The following HIVEP2 variants were observed in gnomAD, a reference collection of about 807,000 sequenced individuals.
HIVEP2 encodes the protein transcription factor HIVEP2.
Under a neutral mutation model 180.7 loss-of-function variants are expected in HIVEP2, and 14 were observed. The ratio of observed to expected loss-of-function variants is 0.08; its 90% CI spans 0.05 to 0.12. The LOEUF (loss-of-function observed/expected upper bound fraction) is 0.12, where lower values mean the gene tolerates loss of function less well. Ranked by LOEUF, HIVEP2 falls within the 10% of genes least tolerant of loss-of-function variation. The probability of loss-of-function intolerance (pLI) is 1.00; values close to 1 mark genes in which losing one functional copy is unlikely to be tolerated. For synonymous variants in HIVEP2, 1,184 were observed against 1,136.4 expected (o/e 1.04, Z -0.84); for missense variants, 2,579 against 3,008.5 (o/e 0.86, Z 3.34).
intron 3 of HIVEP2, among the ~76,000 whole-genome samples, chr6:142,783,252 C>A (rs376957170): frequency 7.8e-6 from 1 of 128,000 alleles, no homozygotes; most frequent in Admixed American, 9.9e-5. Context: ...CACTTGAACT[C>A]GGGAGGCAGA....
intron 6 of HIVEP2, among the ~76,000 whole-genome samples, chr6:142,767,512 G>C (rs906925491): frequency 2.6e-5 from 4 of 152,112 alleles, no homozygotes; most frequent in Admixed American, 2.6e-4. Context: ...AATATAATTG[G>C]AATAAAGTCA....
intron 2 of HIVEP2, among the ~76,000 whole-genome samples, chr6:142,828,021 A>T (rs899446709): frequency 6.6e-6 from 1 of 152,180 alleles, no homozygotes; most frequent in Non-Finnish European, 1.5e-5. Flanking sequence ...TCTATACTGA[A>T]ACCTCTTCAA....
Position 142,753,469 on chromosome 6 carries a change from G to C in HIVEP2, c.6979C>G (p.Gln2327Glu). Residue 2327 changes from glutamine to glutamate, a missense_variant, in exon 10 of 10, where the codon CAG becomes GAG. By Grantham distance (29) the Gln-to-Glu change is conservative. Coordinates refer to ENST00000367603, the MANE Select transcript of HIVEP2 (RefSeq NM_006734.4). ...GAGGCAATGGCTTTTGTACAAGTCTGTATATTTTCCTCCTGTTCCCGCTCT... is the reference window on the plus strand; with the variant it reads ...GAGGCAATGGCTTTTGTACAAGTCTCTATATTTTCCTCCTGTTCCCGCTCT... ...ATEREQEENI[Q>E]TCTKAIASLR... is the part of the protein sequence containing the mutation. 6.2e-7 allele frequency: 1 copy of C among 1,614,036 alleles called. No homozygotes were observed. The highest frequency in any genetic ancestry group is 8.5e-7 in the Non-Finnish European group (1 of 1,180,042).
chr6:142,863,093 CATATAATAA>C (rs1777842323), intron 1 of HIVEP2, among the ~76,000 whole-genome samples: 2 of 140,338 alleles, frequency 1.4e-5, no homozygotes, highest in Admixed American at 7.4e-5. Context: ...TATATAATTA[CATATAATAA>C]ATATATTACA....
intron 2 of HIVEP2, among the ~76,000 whole-genome samples, chr6:142,802,708 G>GAATC (rs1776443813): frequency 6.6e-6 from 1 of 151,936 alleles, no homozygotes; most frequent in African/African-American, 2.4e-5. Flanking sequence ...TTCTAAAAAA[G>GAATC]AATCACTCCC....
rs1775249737 is a variant in HIVEP2, at chr6:142,837,314, G to A, written c.-640-267C>T. Among the ~76,000 whole-genome samples, 5 of 152,036 alleles carry A rather than the reference G, an allele frequency of 3.3e-5. No homozygotes were observed. In the South Asian group the frequency reaches 1.0e-3, roughly 31 times the overall value. ...GAACAGAAGAGTTTGTTATTGGCAG[G>A]TGGAAATAATGGTTATACAATGTCA... On this transcript the variant is annotated intron_variant, in intron 1 of 9. Coordinates refer to ENST00000367603, the MANE Select transcript of HIVEP2 (RefSeq NM_006734.4).
At chr6:142,859,834 C>CAAAAAAAAAAAAA (rs56853043) in intron 1 of HIVEP2, among the ~76,000 whole-genome samples, 1 of 73,612 alleles carries the variant, frequency 1.4e-5, no homozygotes, top group Non-Finnish European at 2.5e-5. Context: ...AACTCCGTCT[C>CAAAAAAAAAAAAA]AAAAAAAAAA....
intron 2 of HIVEP2, among the ~76,000 whole-genome samples, chr6:142,789,787 A>G (rs985491343): frequency 2.6e-5 from 4 of 152,230 alleles, no homozygotes; most frequent in Non-Finnish European, 5.9e-5. Context: ...AGAATTAATA[A>G]TTTTGAAATT....
Position 142,903,209 on chromosome 6 carries a change from G to A in HIVEP2, c.-641+41890C>T, listed in dbSNP as rs536186516. Reference sequence around the variant, plus strand: ...TCATTGGAGACACTTAAACAATTATGTGAAAATAAAATGTTTTCTGGACAC... The same window carrying A: ...TCATTGGAGACACTTAAACAATTATATGAAAATAAAATGTTTTCTGGACAC... On this transcript the variant is annotated intron_variant, in intron 1 of 9. Coordinates refer to ENST00000367603, the MANE Select transcript of HIVEP2 (RefSeq NM_006734.4). Among the ~76,000 whole-genome samples, 4 of 152,298 alleles carry A rather than the reference G, an allele frequency of 2.6e-5. No individual in the cohort carries two copies. In the South Asian group the frequency reaches 8.3e-4, roughly 32 times the overall value.
intron 1 of HIVEP2, among the ~76,000 whole-genome samples, chr6:142,899,653 TTA>T (rs1777083160): frequency 6.6e-6 from 1 of 152,172 alleles, no homozygotes; most frequent in South Asian, 2.1e-4. Context: ...AATAGATCAT[TTA>T]TCTTTGTAAA....
At position 142,918,897 on chromosome 6, in the gene HIVEP2, AAATATT is replaced by A. The variant is rs539082089; in HGVS notation, c.-641+26196_-641+26201del. Among the ~76,000 whole-genome samples the A allele has an allele frequency of 3.1e-3, 467 of 152,352 alleles. 2 individuals carry two copies. The highest frequency in any genetic ancestry group is 0.011 in the African/African-American group (452 of 41,586). On this transcript the variant is annotated intron_variant, in intron 1 of 9. Transcript: ENST00000367603. ...CAAATCATTCCCACTATAATTTTTT[AAATATT>A]AACACCTGTAGTTAACACATTCATG...
rs1462131939 is a variant in HIVEP2 at position 142,775,097 on chromosome 6, A to C, written c.-359T>G. 2.0e-6 allele frequency: 2 copies of C among 1,016,206 alleles called. No individual in the cohort carries two copies. Among genetic ancestry groups the C allele is most frequent in the African/African-American group, 1.7e-5 (1 of 58,500 alleles). The allele number at this position is 1,016,206 out of a possible 1,614,324, so 62.9% of individuals were successfully genotyped here. A position where few individuals can be genotyped will look rare whatever the true frequency, so the allele number is the denominator to read the frequency against. On this transcript the variant is annotated 5_prime_UTR_variant, in exon 5 of 10. In the 5' UTR this introduces an upstream ATG that the reference lacks. Coordinates refer to ENST00000367603, the MANE Select transcript of HIVEP2 (RefSeq NM_006734.4). The stretch of plus-strand genomic sequence containing the variant: ...TTGCCCATCAACTAGAGCAAAGTTC[A>C]ATTGCCAGTTTCACTAAGATAAAAT...
At chr6:142,871,149 A>G (rs1156650252) in intron 1 of HIVEP2, among the ~76,000 whole-genome samples, 1 of 152,200 alleles carries the variant, frequency 6.6e-6, no homozygotes, top group African/African-American at 2.4e-5. Flanking sequence ...GCAGAAGTGA[A>G]TTACTGGTAT....
intron 2 of HIVEP2, among the ~76,000 whole-genome samples, chr6:142,791,846 AC>A (rs776110602): frequency 2.6e-5 from 4 of 152,210 alleles, no homozygotes; most frequent in Non-Finnish European, 4.4e-5. Flanking sequence ...CAAAGAGCTT[AC>A]TGTCTAATGA....
chr6:142,772,151 G>T lies in HIVEP2; in HGVS notation c.2588C>A (p.Pro863His), dbSNP rs552555328. 7 of 1,614,076 alleles carry T rather than the reference G, an allele frequency of 4.3e-6. No individual in the cohort carries two copies. In the African/African-American group the frequency reaches 5.3e-5, roughly 12 times the overall value. Residue 863 changes from proline (P) to histidine (H), a missense_variant, in exon 5 of 10, where the codon CCC (proline) becomes CAC (histidine). Physicochemically the swap from Pro to His is moderately conservative, Grantham distance 77. Transcript: ENST00000367603. The surrounding 1 kb of genome is among the most constrained non-coding windows in gnomAD (Gnocchi z 4.9). The part of the protein sequence containing the change: ...PGDGAESGGK[P>H]SPSQQVQQQS... The stretch of plus-strand genomic sequence containing the variant: ...CTGCTGCACCTGCTGAGATGGAGAG[G>T]GTTTCCCCCCACTTTCTGCACCATC...
chr6:142,770,629 A>G lies in HIVEP2; in HGVS notation c.4110T>C (p.Asp1370=). ...CCAGTGTCCTTTGGGTCATATTCTC[A>G]TCGACTTTGCATATGACAATGGCAG... is the stretch of plus-strand genomic sequence containing the variant. ...NSPAIVICKV[D]ENMTQRTLVT... is the part of the protein sequence containing the mutation. The change falls in exon 5 of 10, where the codon GAT becomes GAC. Residue 1370 remains aspartate, a synonymous_variant. Coordinates refer to ENST00000367603, the MANE Select transcript of HIVEP2 (RefSeq NM_006734.4). The surrounding 1 kb of genome is among the most constrained non-coding windows in gnomAD (Gnocchi z 4.7). The G allele has an allele frequency of 1.2e-6, 2 of 1,612,948 alleles. No homozygotes were observed. Among genetic ancestry groups the G allele is most frequent in the South Asian group, 1.1e-5 (1 of 91,058 alleles).
chr6:142,776,540 G>GTT (rs34160387), intron 3 of HIVEP2, among the ~76,000 whole-genome samples: 95 of 151,088 alleles, frequency 6.3e-4, no homozygotes, highest in Non-Finnish European at 9.9e-4. Context: ...TTTTTGTTTT[G>GTT]TTTTTTTTGA....
chr6:142,899,900 G>A (rs1280482998), intron 1 of HIVEP2, among the ~76,000 whole-genome samples: 1 of 152,182 alleles, frequency 6.6e-6, no homozygotes, highest in Non-Finnish European at 1.5e-5. Flanking sequence ...GAACCTAGTG[G>A]AGAGAATCAC....
At chr6:142,883,290 C>A (rs1776619442) in intron 1 of HIVEP2, among the ~76,000 whole-genome samples, 1 of 151,882 alleles carries the variant, frequency 6.6e-6, no homozygotes, top group African/African-American at 2.4e-5. Context: ...AAAAAGAGAA[C>A]AATTACTGTT....
Sources: allele counts gnomAD v4.1 joint callset (sites outside exome capture counted in the v4.1 genomes callset), GRCh38; gene constraint gnomAD v4.1.1; non-coding constraint Gnocchi (gnomAD v3.1); transcripts MANE v1.5; gene names NCBI Gene and HGNC (gene_info 2026-07-23, HGNC 2026-07-21).